The following LINGO2 variants were observed in gnomAD, a reference collection of about 807,000 sequenced individuals.
LINGO2 encodes leucine-rich repeat and immunoglobulin-like domain-containing nogo receptor-interacting protein 2.
A neutral mutation model predicts 30.6 loss-of-function variants in LINGO2; 14 were observed. That is an observed-to-expected ratio of 0.46 (90% CI 0.30 to 0.72). The LOEUF (loss-of-function observed/expected upper bound fraction) is 0.72. LINGO2 is among the 30% of genes least tolerant of loss of function. LINGO2 has a pLI of 0.07. For synonymous variants in LINGO2, 317 were observed against 288.5 expected, an observed-to-expected ratio of 1.10 and a Z score of -1.00; for missense variants, 729 against 751.7, an observed-to-expected ratio of 0.97 and a Z score of 0.35.
intron 2 of LINGO2, among the ~76,000 whole-genome samples, chr9:28,380,922 A>C (rs181339830): frequency 6.6e-6 from 1 of 152,204 alleles, no homozygotes; most frequent in Non-Finnish European, 1.5e-5. Context: ...AGGAAGAAAT[A>C]AGGAGTAGAG....
the LINGO2 span, among the ~76,000 whole-genome samples, chr9:28,996,814 C>T: frequency 1.2e-4 from 18 of 151,936 alleles, no homozygotes; most frequent in Middle Eastern, 3.4e-3. Context: ...TTTCTAGGCA[C>T]GTAAGAAAAA....
chr9:28,567,421 T>G (rs916398126), intron 1 of LINGO2, among the ~76,000 whole-genome samples: 1 of 151,968 alleles, frequency 6.6e-6, no homozygotes, highest in African/African-American at 2.4e-5. Flanking sequence ...TGGGCTGGAT[T>G]AAACAAAAAG....
At chr9:28,975,790 C>G in the LINGO2 span, among the ~76,000 whole-genome samples, 1 of 152,116 alleles carries the variant, frequency 6.6e-6, no homozygotes, top group Admixed American at 6.6e-5. Flanking sequence ...CTAAAGATAG[C>G]AAGCATGTCA....
the LINGO2 span, among the ~76,000 whole-genome samples, chr9:28,884,439 T>C: frequency 1.3e-5 from 2 of 152,132 alleles, no homozygotes; most frequent in Admixed American, 6.6e-5. Flanking sequence ...TGTTAACAAA[T>C]GGAGACTTAC....
the LINGO2 span, among the ~76,000 whole-genome samples, chr9:28,787,676 T>A: frequency 1.3e-5 from 2 of 152,266 alleles, no homozygotes; most frequent in South Asian, 4.1e-4. Context: ...TGATTATTCC[T>A]AACACCACTG....
At chr9:28,997,202 G>C in the LINGO2 span, among the ~76,000 whole-genome samples, 3 of 152,144 alleles carry the variant, frequency 2.0e-5, no homozygotes, top group African/African-American at 7.2e-5. Flanking sequence ...GCCAAGGTGA[G>C]AGGACTGCTT....
the LINGO2 span, among the ~76,000 whole-genome samples, chr9:28,746,383 T>C: frequency 2.0e-5 from 3 of 152,074 alleles, no homozygotes; most frequent in Non-Finnish European, 4.4e-5. Flanking sequence ...ACAGGAAAGT[T>C]CCTCTGGAGT....
At chr9:28,188,284 T>C (rs1819615267) in intron 4 of LINGO2, among the ~76,000 whole-genome samples, 1 of 37,816 alleles carries the variant, frequency 2.6e-5, no homozygotes, top group Admixed American at 2.4e-4. Flanking sequence ...ATAGTCCACA[T>C]AATAATTGCT....
chr9:27,993,621 T>A (rs1267304277), intron 5 of LINGO2, among the ~76,000 whole-genome samples: 1 of 152,180 alleles, frequency 6.6e-6, no homozygotes, highest in African/African-American at 2.4e-5. Context: ...TAAATGGATA[T>A]ATTTTCCTCT....
intron 1 of LINGO2, among the ~76,000 whole-genome samples, chr9:28,636,337 C>A (rs141942792): frequency 6.6e-6 from 1 of 151,988 alleles, no homozygotes; most frequent in Non-Finnish European, 1.5e-5. Context: ...GGGTATATAC[C>A]CAGTAATGGG....
rs370077782 is a variant in LINGO2, at chr9:28,036,947, A to G, written c.-86-24542T>C. ...AAGGTTCTCAGACCATACAAATGAG[A>G]AGTTGGGTGTTTAAGTGAGACAAGT... is the stretch of plus-strand genomic sequence containing the variant. On this transcript the variant is annotated intron_variant, in intron 4 of 5. Coordinates refer to ENST00000379992, the Ensembl canonical transcript of LINGO2. 5.3e-5 allele frequency among the ~76,000 whole-genome samples: 8 copies of G among 152,294 alleles called. No individual in the cohort carries two copies. The East Asian group carries it at 1.5e-3, about 29-fold the overall frequency.
the LINGO2 span, among the ~76,000 whole-genome samples, chr9:28,773,743 T>C: frequency 6.6e-6 from 1 of 152,106 alleles, no homozygotes; most frequent in South Asian, 2.1e-4. Context: ...AAATTAGATG[T>C]GGAGAGCAGG....
At chr9:29,044,993 G>C in the LINGO2 span, among the ~76,000 whole-genome samples, 2 of 151,940 alleles carry the variant, frequency 1.3e-5, no homozygotes, top group Non-Finnish European at 2.9e-5. Flanking sequence ...ATATCTTATT[G>C]TACTATATTC....
At chr9:28,246,350 G>C (rs1821998564) in intron 4 of LINGO2, among the ~76,000 whole-genome samples, 1 of 151,898 alleles carries the variant, frequency 6.6e-6, no homozygotes, top group African/African-American at 2.4e-5. Context: ...CTTGAACCCA[G>C]GGGGAGGCGG....
At chr9:28,976,710 C>A in the LINGO2 span, among the ~76,000 whole-genome samples, 1 of 151,902 alleles carries the variant, frequency 6.6e-6, no homozygotes, top group Non-Finnish European at 1.5e-5. Flanking sequence ...AAATGCTGAG[C>A]TCTAAATGAG....
chr9:28,455,181 A>G (rs1824797268), intron 2 of LINGO2, among the ~76,000 whole-genome samples: 1 of 152,088 alleles, frequency 6.6e-6, no homozygotes, highest in Non-Finnish European at 1.5e-5. Context: ...GAGAGACACA[A>G]TGGGAGACAT....
the LINGO2 span, among the ~76,000 whole-genome samples, chr9:29,148,710 A>T: frequency 1.3e-5 from 2 of 152,198 alleles, no homozygotes; most frequent in Non-Finnish European, 2.9e-5. Context: ...AAATACAGTG[A>T]CATTCATTCT....
intron 4 of LINGO2, among the ~76,000 whole-genome samples, chr9:28,117,547 G>C (rs1357490327): frequency 1.2e-5 from 1 of 80,858 alleles, no homozygotes; most frequent in Non-Finnish European, 2.6e-5. Flanking sequence ...AGACTGCTGT[G>C]CTAGCAACCA....
chr9:28,255,819 G>A (rs990443761), intron 4 of LINGO2, among the ~76,000 whole-genome samples: 7 of 152,136 alleles, frequency 4.6e-5, no homozygotes, highest in Admixed American at 3.9e-4. Context: ...TCTATGAGAG[G>A]CTAAAGTGAA....
Sources: allele counts gnomAD v4.1 joint callset (sites outside exome capture counted in the v4.1 genomes callset), GRCh38; gene constraint gnomAD v4.1.1; transcripts MANE v1.5; gene names NCBI Gene and HGNC (gene_info 2026-07-23, HGNC 2026-07-21).